CENPF: variants seen among roughly 807,000 people sequenced by gnomAD.
The protein encoded by CENPF is centromere protein F.
In CENPF, 214 loss-of-function variants were observed where a neutral mutation model predicts 307.3. The ratio of observed to expected loss-of-function variants is 0.70; its 90% CI spans 0.62 to 0.78. The LOEUF (loss-of-function observed/expected upper bound fraction) is 0.78, where lower values mean the gene tolerates loss of function less well. Among genes scored for constraint, CENPF ranks in the 30% least tolerant of loss-of-function variants. CENPF has a pLI of 0.00. For synonymous variants in CENPF, 1,259 were observed against 1,270.6 expected, an observed-to-expected ratio of 0.99 and a Z score of 0.19; for missense variants, 3,401 against 3,483.9, an observed-to-expected ratio of 0.98 and a Z score of 0.60.
chr1:214,614,704 G>T (rs1433323418), intron 2 of CENPF, 128 bp from the exon 3 acceptor site: 7 of 536,322 alleles, frequency 1.3e-5, no homozygotes, highest in Non-Finnish European at 2.2e-5. Flanking sequence ...TAAAATTTCT[G>T]TGTTCATATG....
Position 214,637,900 on chromosome 1 carries a change from ACT to A in CENPF, c.1484_1485del (p.Ser495Ter), listed in dbSNP as rs1224971237. The A allele has an allele frequency of 1.2e-6, 2 of 1,613,220 alleles. No individual in the cohort carries two copies. The highest frequency in any genetic ancestry group is 1.1e-5 in the South Asian group (1 of 90,828). ...AAGGAAAACAACCTCCTTAAGAGTCACTCTGAGCAAAAGGCCAGAGAAGTCTG... is the reference window on the plus strand; with the variant it reads ...AAGGAAAACAACCTCCTTAAGAGTCACTGAGCAAAAGGCCAGAGAAGTCTG... On this transcript the variant is annotated frameshift_variant, in exon 11 of 20. Coordinates refer to ENST00000366955, the MANE Select transcript of CENPF (RefSeq NM_016343.4). LOFTEE classifies it high-confidence loss of function.
Position 214,655,209 on chromosome 1 carries a change from A to C in CENPF, c.8323-32A>C. On this transcript the variant is annotated intron_variant, in intron 16 of 19. Transcript: ENST00000366955. ...CCATATGCTTATAAAAAGAAATTCA[A>C]GGTTTTAAATGGAATTACTTTTATT... 2.1e-6 allele frequency: 3 copies of C among 1,427,666 alleles called. No individual in the cohort carries two copies. In the South Asian group the frequency reaches 4.5e-5, roughly 21 times the overall value. 88.4% of individuals were successfully genotyped at this position (1,427,666 alleles called of 1,614,324 possible).
intron 16 of CENPF, chr1:214,654,281 A>G (rs1417042776): frequency 6.6e-6 from 1 of 152,160 alleles, no homozygotes; most frequent in Non-Finnish European, 1.5e-5. Flanking sequence ...AATAGAGACT[A>G]TATATACTGG....
rs1374685643 is a variant in CENPF at position 214,632,728 on chromosome 1, A to G, written c.1446+126A>G. On this transcript the variant is annotated intron_variant, in intron 10 of 19. Transcript: ENST00000366955. ...TGTGCCTTTTTCTTTTCTATTCACC[A>G]GAAGTAAGTATTACAGAATTTTCTG... 4 of 1,100,358 alleles carry G rather than the reference A, an allele frequency of 3.6e-6. No homozygotes were observed. In the African/African-American group the frequency reaches 4.7e-5, roughly 13 times the overall value. 68.2% of individuals were successfully genotyped at this position (1,100,358 alleles called of 1,614,324 possible).
intron 6 of CENPF, among the ~76,000 whole-genome samples, chr1:214,621,555 G>A (rs1417635698): frequency 6.6e-6 from 1 of 152,176 alleles, no homozygotes; most frequent in African/African-American, 2.4e-5. Context: ...AACCAATGTT[G>A]TGCGTATGTG....
At chr1:214,660,637 T>C (rs1658765783) in intron 19 of CENPF, among the ~76,000 whole-genome samples, 1 of 152,192 alleles carries the variant, frequency 6.6e-6, no homozygotes, top group Admixed American at 6.5e-5. Context: ...GAAGGGTGAC[T>C]GGGAGCCACC....
rs1261072949 is a variant in CENPF at position 214,641,754 on chromosome 1, A to G, written c.3416A>G (p.Gln1139Arg). Residue 1139 changes from glutamine to arginine, a missense_variant, in exon 12 of 20, where the codon CAA (glutamine) becomes CGA (arginine). Gln to Arg is a conservative substitution (Grantham distance 43). Transcript: ENST00000366955. Reference sequence around the variant, plus strand: ...GAAATCATGACTTTAAAGGAAGAACAAAACAAAATGCAAAAGGAAGTTAAT... The same window carrying G: ...GAAATCATGACTTTAAAGGAAGAACGAAACAAAATGCAAAAGGAAGTTAAT... ...KQEIMTLKEE[Q>R]NKMQKEVNDL... 1.9e-6 allele frequency: 3 copies of G among 1,585,130 alleles called. No individual in the cohort carries two copies. The highest frequency in any genetic ancestry group is 1.7e-6 in the Non-Finnish European group (2 of 1,170,286).
At position 214,648,896 on chromosome 1, in the gene CENPF, C is replaced by T. The variant is rs1034508542; in HGVS notation, c.7983+69C>T. On this transcript the variant is annotated intron_variant, in intron 14 of 19. Coordinates refer to ENST00000366955, the MANE Select transcript of CENPF (RefSeq NM_016343.4). ...TTGTGCACACTCTCCTTATTGGTTC[C>T]TGTAAGACCTTCTGTTGTTTACCTA... The T allele has an allele frequency of 6.1e-6, 9 of 1,464,454 alleles. No homozygotes were observed. In the African/African-American group the frequency reaches 1.3e-4, roughly 21 times the overall value. 90.7% of individuals were successfully genotyped at this position (1,464,454 alleles called of 1,614,324 possible).
chr1:214,651,904 G>A lies in CENPF; in HGVS notation c.8160+18G>A, dbSNP rs1405008987. On this transcript the variant is annotated intron_variant, in intron 15 of 19. Transcript: ENST00000366955. ...ACAAACAGGTGAAATGTGGGGTTTG[G>A]TTACTGGGGGAGCTGGAGAGTGTAT... The A allele has an allele frequency of 6.3e-7, 1 of 1,578,178 alleles. No individual in the cohort carries two copies. The highest frequency in any genetic ancestry group is 2.2e-5 in the East Asian group (1 of 44,616).
In CENPF at chr1:214,642,041, C is replaced by T. The variant is rs375722599; in HGVS notation, c.3703C>T (p.Gln1235Ter). ...AAGTGAGAAGGAGAAGGAGTGCCTG[C>T]AGCATGAATTACAGACAATTAGAGG... ...QESEKEKECL[Q>*]HELQTIRGDL... is the part of the protein sequence containing the mutation. The change falls in exon 12 of 20, where the codon CAG (glutamine) becomes TAG (stop). Residue 1235 changes from glutamine to a stop codon, truncating the protein, a stop_gained. Transcript: ENST00000366955. LOFTEE classifies it high-confidence loss of function. 1.2e-5 allele frequency: 19 copies of T among 1,610,332 alleles called. No homozygotes were observed. The highest frequency in any genetic ancestry group is 1.5e-5 in the Non-Finnish European group (18 of 1,179,112).
chr1:214,630,445 G>A (rs1657774417), intron 8 of CENPF, 89 bp from the exon 9 acceptor site: 1 of 1,499,028 alleles, frequency 6.7e-7, no homozygotes, highest in East Asian at 2.3e-5. Flanking sequence ...TGCTCTCTGT[G>A]CAGTCGCCTG....
In CENPF at chr1:214,613,790, G is replaced by A. The variant is rs1657261362; in HGVS notation, c.36G>A (p.Leu12=). The A allele has an allele frequency of 1.9e-6, 3 of 1,611,790 alleles. No individual in the cohort carries two copies. In the African/African-American group the frequency reaches 4.0e-5, roughly 22 times the overall value. The change falls in exon 2 of 20, where the codon CTG becomes CTA. Residue 12 remains leucine, a synonymous_variant. Transcript: ENST00000366955. ...SWALEEWKEG[L]PTRALQKIQE... is the part of the protein sequence containing the mutation. ...CTTTGGAAGAATGGAAAGAAGGGCT[G>A]CCTACAAGAGCTCTTCAGAAAATTC...
At chr1:214,604,371 CAAAAGTA>C (rs2102520273) in intron 1 of CENPF, among the ~76,000 whole-genome samples, 1 of 152,310 alleles carries the variant, frequency 6.6e-6, no homozygotes, top group African/African-American at 2.4e-5. Flanking sequence ...CCCTGTTCCT[CAAAAGTA>C]AACTTCTGGG....
At chr1:214,616,832 TTCC>T (rs1468772236) in intron 3 of CENPF, among the ~76,000 whole-genome samples, 36 of 149,444 alleles carry the variant, frequency 2.4e-4, no homozygotes, top group African/African-American at 9.1e-4. Context: ...CTTTCCTTCC[TTCC>T]TCTTTCTTTC....
At chr1:214,605,445 T>G (rs1038988074) in intron 1 of CENPF, 47 of 516,620 alleles carry the variant, frequency 9.1e-5, no homozygotes, top group African/African-American at 7.5e-4. Flanking sequence ...CGCTTTGTTT[T>G]TTTTTTTTTT....
In CENPF at chr1:214,632,159, C is replaced by T. The variant is rs113215775; in HGVS notation, c.1324-321C>T. Among the ~76,000 whole-genome samples, 2,307 of 152,168 alleles carry T rather than the reference C, an allele frequency of 0.015. 67 individuals are homozygous for T. The highest frequency in any genetic ancestry group is 0.053 in the African/African-American group (2,185 of 41,490). On this transcript the variant is annotated intron_variant, in intron 9 of 19. Transcript: ENST00000366955. ...TATATTGAAAATGTGTTCTCTTAGCCTGTTTCTTATCTCAACTTATTTTCC... is the reference window on the plus strand; with the variant it reads ...TATATTGAAAATGTGTTCTCTTAGCTTGTTTCTTATCTCAACTTATTTTCC...
chr1:214,642,259 T>C lies in CENPF; in HGVS notation c.3921T>C (p.Cys1307=), dbSNP rs1374467232. Residue 1307 remains cysteine (C), a synonymous_variant, in exon 12 of 20, where the codon TGT becomes TGC. Coordinates refer to ENST00000366955, the MANE Select transcript of CENPF (RefSeq NM_016343.4). The part of the protein sequence containing the change: ...MNKLNELEKI[C]EILQAEKYEL... ...AGCTGAATGAGCTAGAGAAAATATG[T>C]GAAATACTGCAGGCTGAAAAGTATG... 5.6e-6 allele frequency: 9 copies of C among 1,613,940 alleles called. No individual in the cohort carries two copies. The South Asian group carries it at 9.9e-5, about 18-fold the overall frequency.
intron 1 of CENPF, chr1:214,608,740 G>A (rs1489630312): frequency 1.3e-6 from 2 of 1,598,606 alleles, no homozygotes; most frequent in East Asian, 4.5e-5. Flanking sequence ...CAAGGAATAG[G>A]TGGCCTCCGG....
At position 214,652,228 on chromosome 1, in the gene CENPF, G is replaced by T. The variant is rs1429301121; in HGVS notation, c.8160+342G>T. On this transcript the variant is annotated intron_variant, in intron 15 of 19. Coordinates refer to ENST00000366955, the MANE Select transcript of CENPF (RefSeq NM_016343.4). Reference sequence around the variant, plus strand: ...TTTTTTGTATTTTTAGTAGTGATGGGGTTTCACTGTGTTAGCCAGGATGGT... The same window carrying T: ...TTTTTTGTATTTTTAGTAGTGATGGTGTTTCACTGTGTTAGCCAGGATGGT... 2.6e-5 allele frequency among the ~76,000 whole-genome samples: 4 copies of T among 151,148 alleles called. No individual in the cohort carries two copies. In the South Asian group the frequency reaches 8.4e-4, roughly 32 times the overall value.
Sources: allele counts gnomAD v4.1 joint callset (sites outside exome capture counted in the v4.1 genomes callset), GRCh38; gene constraint gnomAD v4.1.1; transcripts MANE v1.5; gene names NCBI Gene and HGNC (gene_info 2026-07-23, HGNC 2026-07-21).